CRHR1: variants seen among roughly 807,000 people sequenced by gnomAD.
CRHR1 encodes the protein corticotropin-releasing hormone receptor 1.
In CRHR1, 28 loss-of-function variants were observed where a neutral mutation model predicts 56.0. The ratio of observed to expected loss-of-function variants is 0.50; its 90% CI spans 0.37 to 0.69. CRHR1 has a LOEUF of 0.69. CRHR1 is among the 30% of genes least tolerant of loss of function. The pLI is 0.00. For missense variants in CRHR1, 376 were observed against 548.0 expected, an observed-to-expected ratio of 0.69 and a Z score of 3.13; for synonymous variants, 195 against 216.5, an observed-to-expected ratio of 0.90 and a Z score of 0.87.
intron 8 of CRHR1, 64 bp downstream of exon 8, chr17:45,831,004 T>G: frequency 6.7e-7 from 1 of 1,501,844 alleles, no homozygotes; most frequent in South Asian, 1.1e-5. Flanking sequence ...TTGGTGACAC[T>G]CCCCACGGGC....
Position 45,810,463 on chromosome 17 carries a change from C to CACTAAGCAGTT in CRHR1, c.121+3377_121+3387dup, listed in dbSNP as rs551132221. On this transcript the variant is annotated intron_variant, in intron 2 of 12. Coordinates refer to ENST00000314537, the MANE Select transcript of CRHR1 (RefSeq NM_004382.5). Reference sequence around the variant, plus strand: ...AGAAGTTAAACGAGTTGCCCAAACACACTAAGCAGTTACTAAGCAGTGGCT... The same window carrying CACTAAGCAGTT: ...AGAAGTTAAACGAGTTGCCCAAACACACTAAGCAGTTACTAAGCAGTTACTAAGCAGTGGCT... Among the ~76,000 whole-genome samples the CACTAAGCAGTT allele has an allele frequency of 4.4e-3, 669 of 152,254 alleles. 4 individuals carry two copies. The highest frequency in any genetic ancestry group is 0.02 in the Middle Eastern group (6 of 294).
At chr17:45,821,516 T>G (rs2062041382) in intron 4 of CRHR1, 76 bp downstream of exon 4, 3 of 1,349,680 alleles carry the variant, frequency 2.2e-6, no homozygotes, top group South Asian at 2.3e-5. Context: ...GCCTGCTACT[T>G]GGAGTCAGGG....
intron 4 of CRHR1, among the ~76,000 whole-genome samples, chr17:45,824,855 CCT>C (rs1318908199): frequency 1.3e-5 from 2 of 152,220 alleles, no homozygotes; most frequent in Admixed American, 6.5e-5. Context: ...CCTGCCGCCC[CCT>C]GTCTCTCATC....
chr17:45,805,299 A>G (rs941170030), intron 1 of CRHR1, among the ~76,000 whole-genome samples: 1 of 151,958 alleles, frequency 6.6e-6, no homozygotes, highest in Non-Finnish European at 1.5e-5. Flanking sequence ...GACGACTAAG[A>G]TTTTCGATGC....
rs2062280262 is a variant in CRHR1 at position 45,830,553 on chromosome 17, T to G, written c.692T>G (p.Phe231Cys). 1 of 1,611,096 alleles carries G rather than the reference T, an allele frequency of 6.2e-7. No individual in the cohort carries two copies. The change falls in exon 7 of 13, where the codon TTC becomes TGC. Residue 231 changes from phenylalanine to cysteine, a missense_variant. Phe to Cys is a radical substitution (Grantham distance 205, BLOSUM62 -2). Around this residue, in one of 2 missense-constraint regions of CRHR1, gnomAD observed 369 missense variants for 519.5 expected, o/e 0.71. Coordinates refer to ENST00000314537, the MANE Select transcript of CRHR1 (RefSeq NM_004382.5). Reference sequence around the variant, plus strand: ...ACTGACCGGCTGCGCAAATGGATGTTCATCTGCATTGGCTGGGGTGAGCTG... The same window carrying G: ...ACTGACCGGCTGCGCAAATGGATGTGCATCTGCATTGGCTGGGGTGAGCTG... ...YSTDRLRKWMFICIGWGVPFP... is the reference protein window; with the variant it reads ...YSTDRLRKWMCICIGWGVPFP...
intron 8 of CRHR1, among the ~76,000 whole-genome samples, chr17:45,831,542 T>G (rs2062309862): frequency 6.6e-6 from 1 of 152,088 alleles, no homozygotes; most frequent in Non-Finnish European, 1.5e-5. Flanking sequence ...GCAGTGGAGC[T>G]CAACTTTGGC....
chr17:45,807,727 A>G (rs1373688157), intron 2 of CRHR1, among the ~76,000 whole-genome samples: 1 of 152,230 alleles, frequency 6.6e-6, no homozygotes, highest in Non-Finnish European at 1.5e-5. Flanking sequence ...TAGAAAAGAC[A>G]GCATAGCTGC....
At chr17:45,834,131 C>A (rs1424102221) in intron 12 of CRHR1, 83 bp downstream of exon 12, 3 of 1,517,836 alleles carry the variant, frequency 2.0e-6, no homozygotes, top group Non-Finnish European at 2.7e-6. Flanking sequence ...TTCTCCTCCC[C>A]TCCCAGGGCT....
At chr17:45,788,265 C>T (rs1161108953) in intron 1 of CRHR1, among the ~76,000 whole-genome samples, 2 of 152,172 alleles carry the variant, frequency 1.3e-5, no homozygotes, top group African/African-American at 4.8e-5. Flanking sequence ...CCAGCTCTGC[C>T]TCCAATCAGC....
At chr17:45,818,608 G>T (rs1568055884) in intron 3 of CRHR1, among the ~76,000 whole-genome samples, 1 of 152,182 alleles carries the variant, frequency 6.6e-6, no homozygotes, top group African/African-American at 2.4e-5. Flanking sequence ...CTGGGGTGAT[G>T]GCCTCTCGAC....
intron 8 of CRHR1, 91 bp from the exon 9 acceptor site, chr17:45,833,047 C>T: frequency 8.6e-7 from 1 of 1,169,174 alleles, no homozygotes; most frequent in African/African-American, 1.5e-5. Context: ...GCCTCCAGCC[C>T]CAGTCCTGTC....
rs1598444833 is a variant in CRHR1, at chr17:45,829,506, T to A, written c.434+185T>A. ...CAGAGCCGCTCTGCCCTCTCCCCAG[T>A]AGCTGCTGGAATGGTGGGGAGGGAC... On this transcript the variant is annotated intron_variant, in intron 5 of 12. Transcript: ENST00000314537. 28 of 1,494,014 alleles carry A rather than the reference T, an allele frequency of 1.9e-5. No individual in the cohort carries two copies. In the East Asian group the frequency reaches 6.9e-4, roughly 37 times the overall value. 92.5% of individuals were successfully genotyped at this position (1,494,014 alleles called of 1,614,324 possible). A position where few individuals can be genotyped will look rare whatever the true frequency, so the allele number is the denominator to read the frequency against.
intron 1 of CRHR1, among the ~76,000 whole-genome samples, chr17:45,789,118 A>G (rs2061384541): frequency 6.6e-6 from 1 of 152,140 alleles, no homozygotes; most frequent in African/African-American, 2.4e-5. Context: ...CCGTGTCTGG[A>G]GGAGGGCAGG....
chr17:45,798,790 CG>C (rs1015223828), intron 1 of CRHR1, among the ~76,000 whole-genome samples: 2 of 152,112 alleles, frequency 1.3e-5, no homozygotes, highest in African/African-American at 2.4e-5. Flanking sequence ...GGAGAAAGGC[CG>C]GGGGCGGGGA....
In CRHR1 at chr17:45,807,006, G is replaced by T; in HGVS notation, c.34-4G>T. On this transcript the variant is annotated splice_region_variant and splice_polypyrimidine_tract_variant and intron_variant, in intron 1 of 12. Transcript: ENST00000314537. Reference sequence around the variant, plus strand: ...AATGTGTCCTTCGCCTCCTGTGCCTGCAGGCCCTTCTCCTTCTGGGGCTGA... The same window carrying T: ...AATGTGTCCTTCGCCTCCTGTGCCTTCAGGCCCTTCTCCTTCTGGGGCTGA... 6.2e-7 allele frequency: 1 copy of T among 1,613,572 alleles called. No homozygotes were observed.
At chr17:45,827,717 T>C (rs1389350450) in intron 4 of CRHR1, 1 of 152,272 alleles carries the variant, frequency 6.6e-6, no homozygotes, top group Non-Finnish European at 1.5e-5. Context: ...TGTAGCAGCC[T>C]CTGGAGAGGT....
intron 3 of CRHR1, among the ~76,000 whole-genome samples, chr17:45,820,160 A>G (rs1430931623): frequency 6.6e-6 from 1 of 152,188 alleles, no homozygotes; most frequent in African/African-American, 2.4e-5. Context: ...ACTGGGAGCC[A>G]CAGGAAGGCC....
At chr17:45,794,454 C>T (rs1047575922) in intron 1 of CRHR1, among the ~76,000 whole-genome samples, 6 of 152,370 alleles carry the variant, frequency 3.9e-5, no homozygotes, top group Admixed American at 2.6e-4. Flanking sequence ...GTTCACCCTT[C>T]ACACAGCCTG....
intron 1 of CRHR1, among the ~76,000 whole-genome samples, chr17:45,802,957 G>A (rs1392932839): frequency 6.6e-6 from 1 of 152,206 alleles, no homozygotes; most frequent in Non-Finnish European, 1.5e-5. Flanking sequence ...CACTTAGGCT[G>A]GTCTAAGTGC....
Sources: allele counts gnomAD v4.1 joint callset (sites outside exome capture counted in the v4.1 genomes callset), GRCh38; gene constraint gnomAD v4.1.1; regional missense constraint gnomAD v4.1.1; transcripts MANE v1.5; gene names NCBI Gene and HGNC (gene_info 2026-07-23, HGNC 2026-07-21).